Variants in POFUT3 observed in about 807,000 individuals in gnomAD.
POFUT3 encodes GDP-fucose protein O-fucosyltransferase 3.
chr8:33,351,117 G>A, the POFUT3 span, among the ~76,000 whole-genome samples: 4 of 152,012 alleles, frequency 2.6e-5, no homozygotes, highest in African/African-American at 9.7e-5. Flanking sequence ...GCCACACCCG[G>A]CTAGTTTTTG....
At chr8:33,332,499 AAAG>A in the POFUT3 span, among the ~76,000 whole-genome samples, 2,123 of 146,378 alleles carry the variant, frequency 0.015, 49 homozygotes, top group African/African-American at 0.052. Flanking sequence ...AAAAAAAAAA[AAAG>A]AAGAAGAAGA....
chr8:33,467,776 A>G, the POFUT3 span, among the ~76,000 whole-genome samples: 2 of 152,234 alleles, frequency 1.3e-5, no homozygotes, highest in South Asian at 4.1e-4. Flanking sequence ...GGGACTGAAT[A>G]TCTTACAGGT....
the POFUT3 span, among the ~76,000 whole-genome samples, chr8:33,450,718 G>C: frequency 6.6e-6 from 1 of 152,170 alleles, no homozygotes; most frequent in Non-Finnish European, 1.5e-5. Context: ...GGGCACTGGA[G>C]AGTAACAGGA....
chr8:33,460,623 GA>G, the POFUT3 span: 2 of 501,046 alleles, frequency 4.0e-6, no homozygotes, highest in Non-Finnish European at 5.2e-6. Context: ...AGATTCTGAG[GA>G]AGCCATCCAA....
the POFUT3 span, among the ~76,000 whole-genome samples, chr8:33,363,816 T>C: frequency 3.9e-5 from 6 of 152,166 alleles, no homozygotes; most frequent in African/African-American, 1.2e-4. Context: ...ACCAGATGGA[T>C]TCACAGCCGA....
the POFUT3 span, chr8:33,452,691 C>CAA: frequency 1.5e-4 from 2 of 13,522 alleles, no homozygotes; most frequent in Non-Finnish European, 3.4e-4. Context: ...TACACAAACA[C>CAA]ACACACACAC....
chr8:33,389,672 T>C, the POFUT3 span: 1 of 1,614,054 alleles, frequency 6.2e-7, no homozygotes, highest in African/African-American at 1.3e-5. Context: ...GGCAGTGTAG[T>C]TGAACAAGGT....
the POFUT3 span, among the ~76,000 whole-genome samples, chr8:33,400,189 C>G: frequency 6.7e-6 from 1 of 148,640 alleles, no homozygotes; most frequent in African/African-American, 2.5e-5. Context: ...TGGTGGCTCA[C>G]GCCTGTAATC....
chr8:33,456,841 T>C, the POFUT3 span, among the ~76,000 whole-genome samples: 1 of 148,846 alleles, frequency 6.7e-6, no homozygotes, highest in East Asian at 2.0e-4. Flanking sequence ...CAATCTCGGC[T>C]CACTGCAACC....
chr8:33,427,574 C>T, the POFUT3 span, among the ~76,000 whole-genome samples: 120 of 151,458 alleles, frequency 7.9e-4, no homozygotes, highest in African/African-American at 2.7e-3. Flanking sequence ...AGCGAAACTC[C>T]GTCTCAAAAA....
At chr8:33,419,978 A>C in the POFUT3 span, among the ~76,000 whole-genome samples, 2 of 151,960 alleles carry the variant, frequency 1.3e-5, no homozygotes, top group African/African-American at 2.4e-5. Context: ...AGATACAAAA[A>C]TTAGCCAGGT....
chr8:33,393,037 T>A, the POFUT3 span, among the ~76,000 whole-genome samples: 1 of 152,050 alleles, frequency 6.6e-6, no homozygotes, highest in African/African-American at 2.4e-5. Flanking sequence ...ACTACTTCAC[T>A]GGGGATATCA....
At chr8:33,387,647 T>C in the POFUT3 span, among the ~76,000 whole-genome samples, 2 of 152,012 alleles carry the variant, frequency 1.3e-5, no homozygotes, top group Non-Finnish European at 2.9e-5. Flanking sequence ...CTACTAAAAA[T>C]ACAAAAATTA....
chr8:33,328,992 C>T, the POFUT3 span, among the ~76,000 whole-genome samples: 40,492 of 152,078 alleles, frequency 0.27, 5,809 homozygotes, highest in South Asian at 0.5. Flanking sequence ...TTTCATGTGA[C>T]ATTTAGGTAT....
the POFUT3 span, among the ~76,000 whole-genome samples, chr8:33,325,928 G>A: frequency 6.6e-6 from 1 of 152,140 alleles, no homozygotes; most frequent in Non-Finnish European, 1.5e-5. Flanking sequence ...GCGCCCACCT[G>A]TGTTTCCAGG....
chr8:33,389,916 C>T, the POFUT3 span: 12 of 723,042 alleles, frequency 1.7e-5, no homozygotes, highest in South Asian at 9.3e-5. Context: ...AGCATGTGGC[C>T]GGGCACGGTG....
chr8:33,366,140 A>G, the POFUT3 span, among the ~76,000 whole-genome samples: 3 of 152,220 alleles, frequency 2.0e-5, no homozygotes, highest in Non-Finnish European at 4.4e-5. Context: ...CATCGTTCTC[A>G]GCAAACTATC....
the POFUT3 span, among the ~76,000 whole-genome samples, chr8:33,413,363 TTCTC>T: frequency 1.3e-5 from 2 of 148,972 alleles, no homozygotes; most frequent in South Asian, 2.1e-4. Context: ...CTCACTCTCT[TTCTC>T]TCTCTCTCTC....
the POFUT3 span, among the ~76,000 whole-genome samples, chr8:33,404,510 G>T: frequency 6.6e-6 from 1 of 152,132 alleles, no homozygotes; most frequent in African/African-American, 2.4e-5. Context: ...TGGAGAAATG[G>T]CAGAGTAAAA....
Sources: allele counts gnomAD v4.1 joint callset (sites outside exome capture counted in the v4.1 genomes callset), GRCh38; gene constraint gnomAD v4.1.1; transcripts MANE v1.5; gene names NCBI Gene and HGNC (gene_info 2026-07-23, HGNC 2026-07-21).